Variants in MYO10 observed in about 807,000 individuals in gnomAD.
MYO10 encodes the protein myosin X, also known as unconventional myosin-X.
Under a neutral mutation model 257.3 loss-of-function variants are expected in MYO10, and 133 were observed. That is an observed-to-expected ratio of 0.52 (90% CI 0.45 to 0.60). The LOEUF (loss-of-function observed/expected upper bound fraction) is 0.60. Among genes scored for constraint, MYO10 ranks in the 20% least tolerant of loss-of-function variants. MYO10 has a pLI of 0.00. For missense variants in MYO10, 2,399 were observed against 2,635.7 expected (o/e 0.91, Z 1.97); for synonymous variants, 1,104 against 1,028.6 (o/e 1.07, Z -1.40).
chr5:16,793,667 C>T (rs1017302897), intron 4 of MYO10, among the ~76,000 whole-genome samples: 18 of 152,270 alleles, frequency 1.2e-4, no homozygotes, highest in Non-Finnish European at 2.4e-4. Flanking sequence ...CGGTGGCTCA[C>T]GCCTGTAATC....
chr5:16,688,999 A>G (rs1579829515), intron 28 of MYO10, among the ~76,000 whole-genome samples: 3 of 152,302 alleles, frequency 2.0e-5, no homozygotes, highest in South Asian at 2.1e-4. Flanking sequence ...GCCCCAGCCA[A>G]TGAAGGCCTC....
chr5:16,889,513 A>C (rs989139658), intron 1 of MYO10, among the ~76,000 whole-genome samples: 1 of 75,538 alleles, frequency 1.3e-5, no homozygotes, highest in Non-Finnish European at 3.0e-5. Flanking sequence ...GAAGGAAGGA[A>C]GGAAGGAAGG....
At chr5:16,730,922 G>C (rs935672021) in intron 19 of MYO10, among the ~76,000 whole-genome samples, 1 of 152,196 alleles carries the variant, frequency 6.6e-6, no homozygotes, top group African/African-American at 2.4e-5. Flanking sequence ...GAGGTCGTGG[G>C]CTGTCATGGG....
chr5:16,906,887 G>T (rs1446693506), intron 1 of MYO10, among the ~76,000 whole-genome samples: 1 of 152,154 alleles, frequency 6.6e-6, no homozygotes. Flanking sequence ...CGAGGCGGGT[G>T]GATCACCTGA....
chr5:16,923,327 G>T (rs1334344201), intron 1 of MYO10, among the ~76,000 whole-genome samples: 2 of 147,894 alleles, frequency 1.4e-5, no homozygotes. Flanking sequence ...TCGCTCCGTC[G>T]CCCAGGTGGA....
chr5:16,848,822 T>C (rs1157803537), intron 2 of MYO10, among the ~76,000 whole-genome samples: 2 of 152,038 alleles, frequency 1.3e-5, no homozygotes, highest in Non-Finnish European at 2.9e-5. Context: ...ATAGAGACCA[T>C]CTTCAGCTCT....
At chr5:16,874,256 C>A (rs555406834) in intron 2 of MYO10, among the ~76,000 whole-genome samples, 1 of 146,848 alleles carries the variant, frequency 6.8e-6, no homozygotes, top group African/African-American at 2.5e-5. Context: ...ATGGTGTGAA[C>A]CCGGGACGTA....
chr5:16,711,269 T>C, intron 19 of MYO10, 24 bp from the exon 20 acceptor site: 1 of 1,593,264 alleles, frequency 6.3e-7, no homozygotes, highest in Non-Finnish European at 8.6e-7. Context: ...AAAAAAAAGA[T>C]GGGATACCAT....
rs762509775 is a variant in MYO10, at chr5:16,895,953, C to T, written c.22-18246G>A. Among the ~76,000 whole-genome samples, 322 of 152,296 alleles carry T rather than the reference C, an allele frequency of 2.1e-3. 1 individual carries two copies. Among genetic ancestry groups the T allele is most frequent in the Non-Finnish European group, 3.9e-3 (262 of 68,034 alleles). On this transcript the variant is annotated intron_variant, in intron 1 of 40. Transcript: ENST00000513610. Reference sequence around the variant, plus strand: ...CAGGGAGGAGCAGGGCAGGAGCTCCCCTGGGAAGCCAGCATGCTGCTCCTC... The same window carrying T: ...CAGGGAGGAGCAGGGCAGGAGCTCCTCTGGGAAGCCAGCATGCTGCTCCTC...
intron 9 of MYO10, among the ~76,000 whole-genome samples, chr5:16,777,933 C>T (rs1741272342): frequency 6.8e-6 from 1 of 146,248 alleles, no homozygotes; most frequent in African/African-American, 2.5e-5. Context: ...ACTGCAACCT[C>T]CGCCTCCCAG....
rs896097635 is a variant in MYO10, at chr5:16,910,027, A to G, written c.21+25761T>C. Reference sequence around the variant, plus strand: ...TGCCATGCTTCTTATACAGCCGCAGAACCATGAGCCAAATAAACTTCTTTT... The same window carrying G: ...TGCCATGCTTCTTATACAGCCGCAGGACCATGAGCCAAATAAACTTCTTTT... On this transcript the variant is annotated intron_variant, in intron 1 of 40. Transcript: ENST00000513610. 3.9e-5 allele frequency among the ~76,000 whole-genome samples: 6 copies of G among 152,154 alleles called. 1 individual carries two copies. The highest frequency in any genetic ancestry group is 3.3e-4 in the Admixed American group (5 of 15,270).
At chr5:16,720,965 G>A (rs1489965849) in intron 19 of MYO10, among the ~76,000 whole-genome samples, 1 of 152,080 alleles carries the variant, frequency 6.6e-6, no homozygotes, top group African/African-American at 2.4e-5. Context: ...TGTATGTGTG[G>A]GGCAGGGGGC....
intron 9 of MYO10, among the ~76,000 whole-genome samples, chr5:16,776,293 C>CTT (rs35957480): frequency 3.3e-5 from 5 of 151,006 alleles, no homozygotes; most frequent in African/African-American, 1.2e-4. Flanking sequence ...AAAAGTTACA[C>CTT]TTTTTTTTTT....
rs968815181 is a variant in MYO10 at position 16,666,704 on chromosome 5, G to A, written c.6165C>T (p.Gly2055=). Residue 2055 remains glycine (G), a synonymous_variant, in exon 41 of 41, where the codon GGC becomes GGT. Coordinates refer to ENST00000513610, the MANE Select transcript of MYO10 (RefSeq NM_012334.3). Reference sequence around the variant, plus strand: ...CTCTGTCCCGCCTTCACCTGGAGCTGCCCTGGCTGCTGGCGGAGCGTGTCG... The same window carrying A: ...CTCTGTCCCGCCTTCACCTGGAGCTACCCTGGCTGCTGGCGGAGCGTGTCG... ...YSTTRSASSQ[G]SSR 17 of 1,602,990 alleles carry A rather than the reference G, an allele frequency of 1.1e-5. No individual in the cohort carries two copies. The highest frequency in any genetic ancestry group is 3.3e-4 in the Middle Eastern group (2 of 6,072).
At chr5:16,838,192 C>T (rs544753645) in intron 2 of MYO10, among the ~76,000 whole-genome samples, 3 of 152,234 alleles carry the variant, frequency 2.0e-5, no homozygotes, top group Admixed American at 6.5e-5. Context: ...CTACAAATGA[C>T]GCAGCTGAGT....
intron 1 of MYO10, among the ~76,000 whole-genome samples, chr5:16,934,555 C>G (rs979541256): frequency 2.6e-5 from 4 of 152,124 alleles, no homozygotes; most frequent in African/African-American, 9.7e-5. Context: ...CTAGAAAATG[C>G]GAGCGTCTCA....
intron 3 of MYO10, among the ~76,000 whole-genome samples, chr5:16,808,871 C>G (rs1742351309): frequency 6.6e-6 from 1 of 151,938 alleles, no homozygotes; most frequent in Admixed American, 6.6e-5. Flanking sequence ...GGGGTTTCAC[C>G]ATGTTGGCCA....
At chr5:16,681,153 A>C (rs1351758446) in intron 32 of MYO10, among the ~76,000 whole-genome samples, 156 bp downstream of exon 32, 2 of 151,490 alleles carry the variant, frequency 1.3e-5, no homozygotes, top group Non-Finnish European at 2.9e-5. Context: ...AAGTGGTCAC[A>C]TAGCTAACCC....
At chr5:16,745,979 T>C (rs1410114609) in intron 19 of MYO10, among the ~76,000 whole-genome samples, 1 of 152,098 alleles carries the variant, frequency 6.6e-6, no homozygotes, top group Non-Finnish European at 1.5e-5. Flanking sequence ...TAAGAAAGAA[T>C]TTAGGGTGAG....
Sources: allele counts gnomAD v4.1 joint callset (sites outside exome capture counted in the v4.1 genomes callset), GRCh38; gene constraint gnomAD v4.1.1; transcripts MANE v1.5; gene names NCBI Gene and HGNC (gene_info 2026-07-23, HGNC 2026-07-21).